The following ADAMTS5 variants were observed in gnomAD, a reference collection of about 807,000 sequenced individuals.
ADAMTS5 encodes the protein ADAM metallopeptidase with thrombospondin type 1 motif 5, also known as A disintegrin and metalloproteinase with thrombospondin motifs 5.
A neutral mutation model predicts 81.4 loss-of-function variants in ADAMTS5; 54 were observed. The observed-to-expected ratio is 0.66, with a 90% CI of 0.53 to 0.83. The LOEUF is 0.83. ADAMTS5 is among the 40% of genes least tolerant of loss of function. The probability of loss-of-function intolerance (pLI) is 0.00; values close to 1 mark genes in which losing one functional copy is unlikely to be tolerated. For synonymous variants in ADAMTS5, 532 were observed against 508.8 expected, an observed-to-expected ratio of 1.05 and a Z score of -0.61; for missense variants, 1,194 against 1,229.9, an observed-to-expected ratio of 0.97 and a Z score of 0.44.
rs978356720 is a variant in ADAMTS5, at chr21:26,934,643, C to T, written c.1512G>A (p.Glu504=). Residue 504 remains glutamate (E), a synonymous_variant, in exon 4 of 8, where the codon GAG becomes GAA. Coordinates refer to ENST00000284987, the MANE Select transcript of ADAMTS5 (RefSeq NM_007038.5). ...TQQCNLTFGP[E]YSVCPGMDVC... The stretch of plus-strand genomic sequence containing the variant: ...CATCCATGCCGGGACACACGGAGTA[C>T]TCAGGCCCGAATGTCAGGTTGCACT... The T allele has an allele frequency of 1.6e-5, 26 of 1,614,072 alleles. No individual in the cohort carries two copies. The highest frequency in any genetic ancestry group is 1.6e-4 in the Middle Eastern group (1 of 6,084).
chr21:26,930,837 G>A (rs1986894554), intron 6 of ADAMTS5, among the ~76,000 whole-genome samples: 1 of 152,104 alleles, frequency 6.6e-6, no homozygotes, highest in African/African-American at 2.4e-5. Flanking sequence ...GAATGCGTGT[G>A]TGTGTGAGTT....
chr21:26,929,983 C>T lies in ADAMTS5; in HGVS notation c.2128G>A (p.Gly710Ser), dbSNP rs200742293. 5.0e-6 allele frequency: 8 copies of T among 1,614,058 alleles called. No homozygotes were observed. The East Asian group carries it at 6.7e-5, about 13-fold the overall frequency. The stretch of plus-strand genomic sequence containing the variant: ...TACTGCAGCTTTGAGCCAATGATGC[C>T]GTCACAGCCAGTTCTCACACACTTC... ...RGKCVRTGCD[G>S]IIGSKLQYDK... Residue 710 changes from glycine to serine, a missense_variant, in exon 7 of 8, where the codon GGC becomes AGC. By Grantham distance (56) the Gly-to-Ser change is moderately conservative (BLOSUM62 0). Coordinates refer to ENST00000284987, the MANE Select transcript of ADAMTS5 (RefSeq NM_007038.5).
At chr21:26,958,545 A>T (rs1418548446) in intron 1 of ADAMTS5, among the ~76,000 whole-genome samples, 1 of 152,152 alleles carries the variant, frequency 6.6e-6, no homozygotes. Flanking sequence ...GACCCATTTT[A>T]TACAATCTCT....
At chr21:26,948,548 G>C (rs939988114) in intron 2 of ADAMTS5, among the ~76,000 whole-genome samples, 10 of 152,182 alleles carry the variant, frequency 6.6e-5, no homozygotes, top group African/African-American at 2.4e-4. Flanking sequence ...CATGGAATCA[G>C]AATCTAGAAT....
intron 1 of ADAMTS5, among the ~76,000 whole-genome samples, chr21:26,961,903 G>A (rs921067757): frequency 2.0e-5 from 3 of 152,176 alleles, no homozygotes; most frequent in African/African-American, 7.2e-5. Flanking sequence ...CCTGTTGTCA[G>A]AATCAAGCCA....
In ADAMTS5 at chr21:26,920,228, A is replaced by C. The variant is rs1052958; in HGVS notation, c.*3825T>G. Reference sequence around the variant, plus strand: ...TTAACAAGGAAGGAATCAATGGGGAAATATCACAACCAGAGATTGGCTGTG... The same window carrying C: ...TTAACAAGGAAGGAATCAATGGGGACATATCACAACCAGAGATTGGCTGTG... On this transcript the variant is annotated 3_prime_UTR_variant, in exon 8 of 8. Coordinates refer to ENST00000284987, the MANE Select transcript of ADAMTS5 (RefSeq NM_007038.5). 1 of 152,114 alleles carries C rather than the reference A, an allele frequency of 6.6e-6. No individual in the cohort carries two copies. Among genetic ancestry groups the C allele is most frequent in the African/African-American group, 2.4e-5 (1 of 41,436 alleles). 9.4% of individuals were successfully genotyped at this position (152,114 alleles called of 1,614,324 possible).
rs1471044790 is a variant in ADAMTS5 at position 26,918,780 on chromosome 21, A to C, written c.*5273T>G. On this transcript the variant is annotated 3_prime_UTR_variant, in exon 8 of 8. Coordinates refer to ENST00000284987, the MANE Select transcript of ADAMTS5 (RefSeq NM_007038.5). ...GAGATATAGTCACCAAGTGTTTACC[A>C]ATAACATAAATTATTGCAAAGCTTG... 6.6e-6 allele frequency: 1 copy of C among 151,976 alleles called. No homozygotes were observed. The highest frequency in any genetic ancestry group is 1.5e-5 in the Non-Finnish European group (1 of 67,920). 9.4% of individuals were successfully genotyped at this position (151,976 alleles called of 1,614,324 possible).
intron 1 of ADAMTS5, among the ~76,000 whole-genome samples, chr21:26,964,331 C>T (rs1601023198): frequency 6.6e-6 from 1 of 152,168 alleles, no homozygotes; most frequent in East Asian, 1.9e-4. Context: ...ACGTAGTGGT[C>T]AAATACTGTG....
chr21:26,957,087 C>T (rs1416772088), intron 1 of ADAMTS5, among the ~76,000 whole-genome samples: 1 of 152,216 alleles, frequency 6.6e-6, no homozygotes, highest in African/African-American at 2.4e-5. Context: ...TCTTGGCAAA[C>T]AGTTACAGTT....
At chr21:26,934,894 C>G in intron 3 of ADAMTS5, 145 bp from the exon 4 acceptor site, 1 of 1,154,032 alleles carries the variant, frequency 8.7e-7, no homozygotes, top group Non-Finnish European at 1.2e-6. Flanking sequence ...AGAGGGACTC[C>G]ATGGGGACAA....
chr21:26,946,140 G>A (rs1406856523), intron 2 of ADAMTS5, among the ~76,000 whole-genome samples: 10 of 152,164 alleles, frequency 6.6e-5, no homozygotes, highest in Non-Finnish European at 5.9e-5. Context: ...AGAACCGCGT[G>A]ACTTCCCTTC....
intron 2 of ADAMTS5, among the ~76,000 whole-genome samples, chr21:26,948,635 G>A (rs547314474): frequency 5.9e-5 from 9 of 152,248 alleles, no homozygotes; most frequent in Admixed American, 2.0e-4. Context: ...ACATAGATGT[G>A]ATAAAACTCT....
chr21:26,934,555 G>A lies in ADAMTS5; in HGVS notation c.1600C>T (p.Leu534=), dbSNP rs1986975633. The A allele has an allele frequency of 2.5e-6, 4 of 1,614,046 alleles. No individual in the cohort carries two copies. The highest frequency in any genetic ancestry group is 3.4e-6 in the Non-Finnish European group (4 of 1,180,056). The change falls in exon 4 of 8, where the codon CTG becomes TTG. Residue 534 remains leucine, a synonymous_variant. Transcript: ENST00000284987. ...QGQMVCLTKK[L]PAVEGTPCGK... is the part of the protein sequence containing the mutation. ...CAAGGCGTCCCTTCCACCGCAGGCA[G>A]CTTCTTGGTCAGACAGACCATCTGG...
chr21:26,960,679 A>C (rs1987513189), intron 1 of ADAMTS5, among the ~76,000 whole-genome samples: 1 of 152,206 alleles, frequency 6.6e-6, no homozygotes, highest in African/African-American at 2.4e-5. Context: ...CTGTGAGAAG[A>C]CATACTTCGG....
chr21:26,930,043 A>G lies in ADAMTS5; in HGVS notation c.2068T>C (p.Cys690Arg). ...FSPKVTDGTE[C>R]RLYSNSVCVR... ...CAGACGGAATTACTGTACAGCCTACATTCAGTGCCATCGGTCACCTGAATC... is the reference window on the plus strand; with the variant it reads ...CAGACGGAATTACTGTACAGCCTACGTTCAGTGCCATCGGTCACCTGAATC... Residue 690 changes from cysteine (C) to arginine (R), a missense_variant, in exon 7 of 8, where the codon TGT (cysteine) becomes CGT (arginine). By Grantham distance (180) the Cys-to-Arg change is radical. This residue lies in a region of ADAMTS5 where 696 missense variants were observed against 817.6 expected (regional missense o/e 0.85). Coordinates refer to ENST00000284987, the MANE Select transcript of ADAMTS5 (RefSeq NM_007038.5). 6.2e-7 allele frequency: 1 copy of G among 1,614,074 alleles called. No homozygotes were observed.
rs761044903 is a variant in ADAMTS5 at position 26,933,092 on chromosome 21, T to A, written c.1690-48A>T. On this transcript the variant is annotated intron_variant, in intron 4 of 7. Coordinates refer to ENST00000284987, the MANE Select transcript of ADAMTS5 (RefSeq NM_007038.5). ...TTTTAACTCCAATGAGAGAAAAACA[T>A]TGAAAGTGTGCATTTGGAAATCACC... 20 of 1,546,554 alleles carry A rather than the reference T, an allele frequency of 1.3e-5. No homozygotes were observed. The African/African-American group carries it at 2.4e-4, about 18-fold the overall frequency.
At chr21:26,939,017 T>A (rs567666453) in intron 3 of ADAMTS5, among the ~76,000 whole-genome samples, 1 of 152,322 alleles carries the variant, frequency 6.6e-6, no homozygotes, top group African/African-American at 2.4e-5. Flanking sequence ...ACACCACTGC[T>A]TACAATCTCC....
rs367635087 is a variant in ADAMTS5 at position 26,925,913 on chromosome 21, C to A, written c.2226-1293G>T. On this transcript the variant is annotated intron_variant, in intron 7 of 7. Transcript: ENST00000284987. ...AGGGCGTTCCTTATTCTGTCTAACT[C>A]GATTCATTATTTTTATTTTTGTAAT... 5.9e-5 allele frequency among the ~76,000 whole-genome samples: 9 copies of A among 152,266 alleles called. No individual in the cohort carries two copies. In the South Asian group the frequency reaches 1.9e-3, roughly 32 times the overall value.
intron 2 of ADAMTS5, among the ~76,000 whole-genome samples, chr21:26,944,053 G>C (rs909055832): frequency 2.6e-5 from 4 of 152,134 alleles, no homozygotes; most frequent in African/African-American, 9.7e-5. Context: ...TATTTTCTTA[G>C]TCAAGTAAAT....
Sources: gnomAD v4.1 joint callset for allele counts (sites outside exome capture counted in the v4.1 genomes callset) on GRCh38, gnomAD v4.1.1 for gene constraint, gnomAD v4.1.1 regional missense constraint, MANE v1.5 for transcripts, NCBI Gene and HGNC (gene_info 2026-07-23, HGNC 2026-07-21) for gene names.